The following SZRD1 variants were observed in gnomAD, a reference collection of about 807,000 sequenced individuals.
SZRD1 encodes the protein SUZ RNA-binding domain-containing.
A neutral mutation model predicts 17.6 loss-of-function variants in SZRD1; 7 were observed. That is an observed-to-expected ratio of 0.40 (90% CI 0.23 to 0.75). The LOEUF (loss-of-function observed/expected upper bound fraction) is 0.75, where lower values mean the gene tolerates loss of function less well. Among genes scored for constraint, SZRD1 ranks in the 30% least tolerant of loss-of-function variants. The pLI is 0.38. For synonymous variants in SZRD1, 77 were observed against 77.9 expected (o/e 0.99, Z 0.06); for missense variants, 178 against 201.8 (o/e 0.88, Z 0.71).
At chr1:16,368,310 A>G (rs2082857583) in intron 1 of SZRD1, among the ~76,000 whole-genome samples, 1 of 152,140 alleles carries the variant, frequency 6.6e-6, no homozygotes, top group Non-Finnish European at 1.5e-5. Flanking sequence ...CGAGCGTACC[A>G]GGGTAGAGTA....
At position 16,393,234 on chromosome 1, in the gene SZRD1, A is replaced by G. The variant is rs2085246135; in HGVS notation, c.108A>G (p.Lys36=). Residue 36 remains lysine (K), a synonymous_variant, in exon 3 of 4, where the codon AAA becomes AAG. Coordinates refer to ENST00000401088, the MANE Select transcript of SZRD1 (RefSeq NM_001114600.3). This position sits in a 1 kb window ranked among gnomAD's most constrained non-coding sequence, Gnocchi z 5.6. ...TGTGTTTGCTCTTTGTCAGCAGGAA[A>G]TCCAAATCTCCTCCCAAAGTGCCCA... is the stretch of plus-strand genomic sequence containing the variant. ...KLKITQKESR[K]SKSPPKVPIV... 2 of 1,613,882 alleles carry G rather than the reference A, an allele frequency of 1.2e-6. No homozygotes were observed. The highest frequency in any genetic ancestry group is 1.7e-6 in the Non-Finnish European group (2 of 1,179,838).
chr1:16,373,223 G>C (rs1445705380), intron 1 of SZRD1, among the ~76,000 whole-genome samples: 3 of 117,396 alleles, frequency 2.6e-5, no homozygotes, highest in African/African-American at 9.2e-5. Context: ...AGTGCAAGGA[G>C]CTTTGAAGTT....
intron 1 of SZRD1, among the ~76,000 whole-genome samples, chr1:16,375,342 G>A (rs2082983318): frequency 6.6e-6 from 1 of 151,696 alleles, no homozygotes; most frequent in Non-Finnish European, 1.5e-5. Context: ...TTGAGAAGGA[G>A]TTTCTCTCTG....
intron 1 of SZRD1, among the ~76,000 whole-genome samples, chr1:16,381,099 A>C (rs532844502): frequency 3.6e-4 from 54 of 151,354 alleles, no homozygotes; most frequent in East Asian, 3.3e-3. Context: ...AAAAAAAAAA[A>C]AAAAACTAGC....
At chr1:16,370,939 C>G (rs1380090238) in intron 1 of SZRD1, among the ~76,000 whole-genome samples, 1 of 152,214 alleles carries the variant, frequency 6.6e-6, no homozygotes, top group Non-Finnish European at 1.5e-5. Context: ...ATGTCCACAT[C>G]ACTGGGAAAC....
rs146465077 is a variant in SZRD1, at chr1:16,378,874, G to A, written c.51+11566G>A. Among the ~76,000 whole-genome samples the A allele has an allele frequency of 2.0e-3, 306 of 150,870 alleles. 7 individuals are homozygous for A. The East Asian group carries it at 0.057, about 28-fold the overall frequency. The stretch of plus-strand genomic sequence containing the variant: ...CCCGAGTAGCTGGGATTACAGGCAC[G>A]TGCCACCACGCCCGGCTAATTTTTG... On this transcript the variant is annotated intron_variant, in intron 1 of 3. Coordinates refer to ENST00000401088, the MANE Select transcript of SZRD1 (RefSeq NM_001114600.3).
intron 1 of SZRD1, among the ~76,000 whole-genome samples, chr1:16,386,427 A>G (rs918760255): frequency 6.6e-6 from 1 of 152,242 alleles, no homozygotes; most frequent in South Asian, 2.1e-4. Flanking sequence ...GTTTAATTCC[A>G]TTGGGCTATT....
chr1:16,395,149 A>G lies in SZRD1; in HGVS notation c.*9A>G. ...TCAAACAGCGCAGATAAATGCAGGC[A>G]AGAAAAGATGCCGCCGTTGCTGCCG... On this transcript the variant is annotated 3_prime_UTR_variant, in exon 4 of 4. Transcript: ENST00000401088. The G allele has an allele frequency of 6.2e-7, 1 of 1,600,994 alleles. No individual in the cohort carries two copies. Among genetic ancestry groups the G allele is most frequent in the African/African-American group, 1.3e-5 (1 of 74,778 alleles).
At chr1:16,372,660 A>G (rs2082933527) in intron 1 of SZRD1, among the ~76,000 whole-genome samples, 1 of 152,172 alleles carries the variant, frequency 6.6e-6, no homozygotes, top group Non-Finnish European at 1.5e-5. Flanking sequence ...TGGGAAGAAA[A>G]TGCATCTTGA....
chr1:16,395,244 A>G lies in SZRD1; in HGVS notation c.*104A>G, dbSNP rs764994823. 4 of 809,066 alleles carry G rather than the reference A, an allele frequency of 4.9e-6. No homozygotes were observed. Among genetic ancestry groups the G allele is most frequent in the Non-Finnish European group, 8.6e-6 (4 of 463,230 alleles). 50.1% of individuals were successfully genotyped at this position (809,066 alleles called of 1,614,324 possible). A position where few individuals can be genotyped will look rare whatever the true frequency, so the allele number is the denominator to read the frequency against. ...AGACAGCTGGACTTGAGCAGAGGGA[A>G]CGACCTGACTTACTTGCACTGTGAT... On this transcript the variant is annotated 3_prime_UTR_variant, in exon 4 of 4. Transcript: ENST00000401088.
At chr1:16,368,298 G>GT (rs2082857390) in intron 1 of SZRD1, among the ~76,000 whole-genome samples, 1 of 152,146 alleles carries the variant, frequency 6.6e-6, no homozygotes, top group South Asian at 2.1e-4. Flanking sequence ...TGTGCGAGGA[G>GT]TCGAGCGTAC....
In SZRD1 at chr1:16,395,060, G is replaced by A. The variant is rs371668167; in HGVS notation, c.379G>A (p.Glu127Lys). Residue 127 changes from glutamate (E) to lysine (K), a missense_variant, in exon 4 of 4, where the codon GAA (glutamate) becomes AAA (lysine). By Grantham distance (56) the Glu-to-Lys change is moderately conservative. Around this residue, in one of 3 missense-constraint regions of SZRD1, gnomAD observed 57 missense variants for 71.9 expected, o/e 0.79. Coordinates refer to ENST00000401088, the MANE Select transcript of SZRD1 (RefSeq NM_001114600.3). ...LDRPTRISQPEDSRQPNNVIR... is the reference protein window; with the variant it reads ...LDRPTRISQPKDSRQPNNVIR... ...CAGGCCAACCAGGATCTCCCAACCC[G>A]AAGACAGCAGGCAGCCCAATAATGT... 1.4e-5 allele frequency: 22 copies of A among 1,613,298 alleles called. No individual in the cohort carries two copies. The highest frequency in any genetic ancestry group is 1.7e-5 in the Non-Finnish European group (20 of 1,179,406).
At position 16,395,077 on chromosome 1, in the gene SZRD1, C is replaced by T. The variant is rs753633454; in HGVS notation, c.396C>T (p.Pro132=). ...CCCAACCCGAAGACAGCAGGCAGCC[C>T]AATAATGTGATCAGACAGCCTTTGG... ...RISQPEDSRQ[P]NNVIRQPLGP... Residue 132 remains proline, a synonymous_variant, in exon 4 of 4, where the codon CCC becomes CCT. Coordinates refer to ENST00000401088, the MANE Select transcript of SZRD1 (RefSeq NM_001114600.3). 1 of 1,613,948 alleles carries T rather than the reference C, an allele frequency of 6.2e-7. No homozygotes were observed. Among genetic ancestry groups the T allele is most frequent in the South Asian group, 1.1e-5 (1 of 91,074 alleles).
At position 16,395,191 on chromosome 1, in the gene SZRD1, C is replaced by T. The variant is rs757952206; in HGVS notation, c.*51C>T. The T allele has an allele frequency of 4.2e-5, 56 of 1,343,760 alleles. No individual in the cohort carries two copies. The highest frequency in any genetic ancestry group is 5.3e-5 in the Non-Finnish European group (50 of 935,964). 83.2% of individuals were successfully genotyped at this position (1,343,760 alleles called of 1,614,324 possible). The stretch of plus-strand genomic sequence containing the variant: ...TTGCTGCCGTCACCGCCTCCTGGGT[C>T]GTCCGCCACGGGTTGCACTGCCGTG... On this transcript the variant is annotated 3_prime_UTR_variant, in exon 4 of 4. Transcript: ENST00000401088.
In SZRD1 at chr1:16,391,909, T is replaced by C. The variant is rs2085226959; in HGVS notation, c.101+485T>C. ...AAAAACCTTTAAAAATAGCTTTGTT[T>C]TCCACCTAGACGACAGAGGAGGGTG... On this transcript the variant is annotated intron_variant, in intron 2 of 3. Coordinates refer to ENST00000401088, the MANE Select transcript of SZRD1 (RefSeq NM_001114600.3). This position sits in a 1 kb window ranked among gnomAD's most constrained non-coding sequence, Gnocchi z 4.3. 6.6e-6 allele frequency among the ~76,000 whole-genome samples: 1 copy of C among 152,104 alleles called. No individual in the cohort carries two copies. Among genetic ancestry groups the C allele is most frequent in the African/African-American group, 2.4e-5 (1 of 41,420 alleles).
At chr1:16,373,318 G>T (rs182862839) in intron 1 of SZRD1, among the ~76,000 whole-genome samples, 2 of 151,078 alleles carry the variant, frequency 1.3e-5, no homozygotes, top group East Asian at 2.0e-4. Context: ...GATGGCTCAT[G>T]CCTGTAATGC....
chr1:16,367,546 C>A (rs1160588575), intron 1 of SZRD1, among the ~76,000 whole-genome samples: 2 of 152,204 alleles, frequency 1.3e-5, no homozygotes, highest in Non-Finnish European at 2.9e-5. Context: ...CGCGCGTCAC[C>A]CGGGGCGCCC....
chr1:16,376,564 G>C (rs2083005066), intron 1 of SZRD1, among the ~76,000 whole-genome samples: 1 of 152,146 alleles, frequency 6.6e-6, no homozygotes, highest in Admixed American at 6.6e-5. Context: ...CCAGCACTTT[G>C]GGGGGCCGAG....
chr1:16,383,384 C>G (rs966585342), intron 1 of SZRD1, among the ~76,000 whole-genome samples: 1 of 151,786 alleles, frequency 6.6e-6, no homozygotes, highest in African/African-American at 2.4e-5. Flanking sequence ...CCATGCCCAG[C>G]TAATTTTTTA....
Sources: gnomAD v4.1 joint callset for allele counts (sites outside exome capture counted in the v4.1 genomes callset) on GRCh38, gnomAD v4.1.1 for gene constraint, gnomAD v4.1.1 regional missense constraint, Gnocchi (gnomAD v3.1) non-coding constraint, MANE v1.5 for transcripts, NCBI Gene and HGNC (gene_info 2026-07-23, HGNC 2026-07-21) for gene names.